Variants in MEF2C observed in about 807,000 individuals in gnomAD.
MEF2C encodes the protein myocyte-specific enhancer factor 2C.
In MEF2C, 6 loss-of-function variants were observed where a neutral mutation model predicts 50.5. The observed-to-expected ratio is 0.12, with a 90% confidence interval of 0.07 to 0.23. The LOEUF is 0.23. Ranked by LOEUF, MEF2C falls within the 10% of genes least tolerant of loss-of-function variation. MEF2C has a pLI of 1.00. For missense variants in MEF2C, 276 were observed against 605.0 expected (o/e 0.46, Z 5.70); for synonymous variants, 183 against 228.0 (o/e 0.80, Z 1.78).
chr5:88,874,111 A>G (rs973202810), intron 1 of MEF2C, among the ~76,000 whole-genome samples: 13 of 151,996 alleles, frequency 8.6e-5, no homozygotes, highest in African/African-American at 2.9e-4. Context: ...TTTAATGGTT[A>G]ACAGAGTTTA....
intron 2 of MEF2C, among the ~76,000 whole-genome samples, chr5:88,813,760 A>AT (rs1460603545): frequency 6.6e-6 from 1 of 151,912 alleles, no homozygotes; most frequent in Non-Finnish European, 1.5e-5. Flanking sequence ...ATAATTTTTT[A>AT]TTTTTTTATT....
intron 1 of MEF2C, among the ~76,000 whole-genome samples, chr5:88,849,190 T>C (rs2153375361): frequency 6.6e-6 from 1 of 151,786 alleles, no homozygotes; most frequent in African/African-American, 2.4e-5. Context: ...CCAAATACTT[T>C]AAAATATTTT....
chr5:88,741,559 C>G, intron 6 of MEF2C: 1 of 985,208 alleles, frequency 1.0e-6, no homozygotes, highest in Non-Finnish European at 1.2e-6. Context: ...ATATTAGAGC[C>G]AACTAAAGAT....
chr5:88,767,993 C>G (rs903071153), intron 3 of MEF2C, among the ~76,000 whole-genome samples: 1 of 152,190 alleles, frequency 6.6e-6, no homozygotes, highest in African/African-American at 2.4e-5. Flanking sequence ...TGCATCCCTT[C>G]TCAAGCTGGG....
chr5:88,804,815 A>G lies in MEF2C; in HGVS notation c.55-14T>C, dbSNP rs1799705715. 4 of 1,608,416 alleles carry G rather than the reference A, an allele frequency of 2.5e-6. No homozygotes were observed. Among genetic ancestry groups the G allele is most frequent in the Admixed American group, 1.7e-5 (1 of 59,648 alleles). On this transcript the variant is annotated splice_polypyrimidine_tract_variant and intron_variant, in intron 2 of 10. Coordinates refer to ENST00000504921, the MANE Select transcript of MEF2C (RefSeq NM_002397.5). Reference sequence around the variant, plus strand: ...TGTAAATGTCACCTAGAAAAAAGAAAGCAGCCAAGATTTTTTAAAAAATAT... The same window carrying G: ...TGTAAATGTCACCTAGAAAAAAGAAGGCAGCCAAGATTTTTTAAAAAATAT...
rs541987926 is a variant in MEF2C at position 88,745,184 on chromosome 5, G to A, written c.637+3886C>T. On this transcript the variant is annotated intron_variant, in intron 6 of 10. Transcript: ENST00000504921. ...TACCAAGTATCTGCTGTGTGCTAACGCTTAGGTGTTAAACTGGGCATACAA... is the reference window on the plus strand; with the variant it reads ...TACCAAGTATCTGCTGTGTGCTAACACTTAGGTGTTAAACTGGGCATACAA... Among the ~76,000 whole-genome samples, 10 of 152,286 alleles carry A rather than the reference G, an allele frequency of 6.6e-5. No individual in the cohort carries two copies. In the East Asian group the frequency reaches 1.2e-3, roughly 18 times the overall value.
upstream of MEF2C, among the ~76,000 whole-genome samples, chr5:88,886,827 A>AT (rs1433791000): frequency 6.6e-6 from 1 of 152,184 alleles, no homozygotes; most frequent in African/African-American, 2.4e-5. Context: ...GCTCCTCGGG[A>AT]TTTTAACTCC....
chr5:88,747,888 T>C (rs1175177952), intron 6 of MEF2C, among the ~76,000 whole-genome samples: 1 of 152,210 alleles, frequency 6.6e-6, no homozygotes, highest in Non-Finnish European at 1.5e-5. Context: ...TTCTCTCATT[T>C]TGAGGCTACA....
chr5:88,760,851 T>A, intron 4 of MEF2C: 1 of 961,538 alleles, frequency 1.0e-6, no homozygotes, highest in Non-Finnish European at 1.5e-6. Context: ...GCTTTCTAAA[T>A]GAGCTGCCCG....
chr5:88,872,434 A>G (rs998625231), intron 1 of MEF2C, among the ~76,000 whole-genome samples: 1 of 152,002 alleles, frequency 6.6e-6, no homozygotes, highest in African/African-American at 2.4e-5. Context: ...TGGAGAAAGA[A>G]GTATATTGAA....
chr5:88,864,178 T>C (rs2153431492), intron 1 of MEF2C, among the ~76,000 whole-genome samples: 1 of 151,798 alleles, frequency 6.6e-6, no homozygotes, highest in East Asian at 1.9e-4. Context: ...TGAATGGTAT[T>C]TCACTGTGTA....
chr5:88,806,245 C>T (rs1295378633), intron 2 of MEF2C, among the ~76,000 whole-genome samples: 2 of 152,078 alleles, frequency 1.3e-5, no homozygotes, highest in Admixed American at 6.5e-5. Context: ...CAAATCCAAC[C>T]CACCTTGCAG....
chr5:88,861,948 TCA>T (rs1825661779), intron 1 of MEF2C, among the ~76,000 whole-genome samples: 1 of 152,234 alleles, frequency 6.6e-6, no homozygotes, highest in Non-Finnish European at 1.5e-5. Flanking sequence ...ACCAAAGTTC[TCA>T]GTCTTTCACA....
At chr5:88,866,840 G>C (rs1320371682) in intron 1 of MEF2C, among the ~76,000 whole-genome samples, 1 of 152,056 alleles carries the variant, frequency 6.6e-6, no homozygotes, top group East Asian at 1.9e-4. Context: ...TAAATTTACT[G>C]AATAACTCCT....
intron 1 of MEF2C, among the ~76,000 whole-genome samples, chr5:88,856,834 A>C (rs1823588053): frequency 6.6e-6 from 1 of 152,250 alleles, no homozygotes; most frequent in African/African-American, 2.4e-5. Context: ...AGTTTGTTTC[A>C]GGGGTGGAAC....
intron 3 of MEF2C, among the ~76,000 whole-genome samples, chr5:88,784,531 T>C (rs1279360096): frequency 6.6e-6 from 1 of 152,234 alleles, no homozygotes; most frequent in East Asian, 1.9e-4. Flanking sequence ...TCTTTCTGTA[T>C]GATAGCCTAG....
chr5:88,729,061 A>G (rs1760245140), intron 9 of MEF2C, among the ~76,000 whole-genome samples, 157 bp downstream of exon 9: 1 of 152,228 alleles, frequency 6.6e-6, no homozygotes, highest in African/African-American at 2.4e-5. Flanking sequence ...AAATGTGGAT[A>G]TTCACTTTGT....
At chr5:88,861,287 C>T (rs763504701) in intron 1 of MEF2C, among the ~76,000 whole-genome samples, 2 of 152,196 alleles carry the variant, frequency 1.3e-5, no homozygotes, top group Non-Finnish European at 2.9e-5. Context: ...ATACCCAGAC[C>T]CATCCCAGAC....
rs768178049 is a variant in MEF2C, at chr5:88,729,284, T to C, written c.898A>G (p.Thr300Ala). ...ATTCCTTGTCCTGGTAAAGTAGGAG[T>C]TGCTACGGAAACCACTGGGGTAGCC... ...SLATPVVSVA[T>A]PTLPGQGMGG... The change falls in exon 9 of 11, where the codon ACT (threonine) becomes GCT (alanine). Residue 300 changes from threonine (T) to alanine (A), a missense_variant. Transcript: ENST00000504921. The C allele has an allele frequency of 6.2e-7, 1 of 1,613,008 alleles. No homozygotes were observed. The highest frequency in any genetic ancestry group is 1.1e-5 in the South Asian group (1 of 91,054).
Sources: allele counts gnomAD v4.1 joint callset (sites outside exome capture counted in the v4.1 genomes callset), GRCh38; gene constraint gnomAD v4.1.1; transcripts MANE v1.5; gene names NCBI Gene and HGNC (gene_info 2026-07-23, HGNC 2026-07-21).